Variants in MICAL3 observed in about 807,000 individuals in gnomAD.
The protein encoded by MICAL3 is [F-actin]-monooxygenase MICAL3.
A neutral mutation model predicts 207.4 loss-of-function variants in MICAL3; 62 were observed. That is an observed-to-expected ratio of 0.30 (90% CI 0.24 to 0.37). MICAL3 has a LOEUF of 0.37. MICAL3 is among the 10% of genes least tolerant of loss of function. The pLI is 1.00. For synonymous variants in MICAL3, 1,077 were observed against 1,069.3 expected, an observed-to-expected ratio of 1.01 and a Z score of -0.14; for missense variants, 2,368 against 2,635.6, an observed-to-expected ratio of 0.90 and a Z score of 2.22.
At chr22:17,816,830 C>T (rs986354573) in intron 26 of MICAL3, 46 bp from the exon 27 acceptor site, 18 of 1,381,690 alleles carry the variant, frequency 1.3e-5, no homozygotes, top group South Asian at 8.7e-5. Context: ...AGACAGCAGG[C>T]GCAGCCCTCT....
Position 17,879,314 on chromosome 22 carries a change from G to A in MICAL3, c.2241+6564C>T, listed in dbSNP as rs1929197296. 2.5e-6 allele frequency: 4 copies of A among 1,587,726 alleles called. No homozygotes were observed. In the Admixed American group the frequency reaches 7.1e-5, roughly 28 times the overall value. ...GCGTGCCCCGTGTGCTTGGCTCTCA[G>A]CATCCCATGCCACGGGTTCATGCTC... is the stretch of plus-strand genomic sequence containing the variant. On this transcript the variant is annotated intron_variant, in intron 16 of 31. Transcript: ENST00000441493.
chr22:17,919,674 G>A (rs914996353), intron 1 of MICAL3, among the ~76,000 whole-genome samples: 1 of 152,138 alleles, frequency 6.6e-6, no homozygotes, highest in African/African-American at 2.4e-5. Context: ...TCTGCCCAGC[G>A]GGGGAGGTGC....
intron 1 of MICAL3, among the ~76,000 whole-genome samples, chr22:17,922,468 TA>T (rs1932823417): frequency 6.6e-6 from 1 of 152,132 alleles, no homozygotes; most frequent in Non-Finnish European, 1.5e-5. Context: ...TAAGGCATAT[TA>T]GGAGTCTGAA....
Position 17,789,112 on chromosome 22 carries a change from A to G in MICAL3, c.*1620T>C, listed in dbSNP as rs2061806707. The G allele has an allele frequency of 6.6e-6, 1 of 152,278 alleles. No individual in the cohort carries two copies. Among genetic ancestry groups the G allele is most frequent in the African/African-American group, 2.4e-5 (1 of 41,470 alleles). The allele number at this position is 152,278 out of a possible 1,614,324, so 9.4% of individuals were successfully genotyped here. A position where few individuals can be genotyped will look rare whatever the true frequency, so the allele number is the denominator to read the frequency against. ...GAGAAAGGAACAGTTTGGCTATAGG[A>G]GCTAGTGATTCGGGGCTCGCCCTTT... On this transcript the variant is annotated 3_prime_UTR_variant, in exon 32 of 32. Transcript: ENST00000441493.
At chr22:17,971,260 G>C (rs571215764) in intron 1 of MICAL3, among the ~76,000 whole-genome samples, 42 of 152,230 alleles carry the variant, frequency 2.8e-4, no homozygotes, top group African/African-American at 9.9e-4. Context: ...TTGAGGTCAG[G>C]AGTTTGAGAC....
intron 16 of MICAL3, among the ~76,000 whole-genome samples, chr22:17,883,251 G>C (rs1929592979): frequency 6.6e-6 from 1 of 152,180 alleles, no homozygotes; most frequent in Admixed American, 6.5e-5. Flanking sequence ...GAGAAAGAAT[G>C]AATTCGCCTT....
chr22:17,979,151 G>C lies in MICAL3; in HGVS notation c.-75+45130C>G, dbSNP rs371202985. ...ATCATGCCGCTGCATTCCAGCCTGG[G>C]CACAGGAATGAGACCCTGTCTAAAA... is the stretch of plus-strand genomic sequence containing the variant. On this transcript the variant is annotated intron_variant, in intron 1 of 31. Coordinates refer to ENST00000441493, the MANE Select transcript of MICAL3 (RefSeq NM_015241.3). 4.6e-5 allele frequency among the ~76,000 whole-genome samples: 7 copies of C among 151,878 alleles called. No homozygotes were observed. In the East Asian group the frequency reaches 1.2e-3, roughly 26 times the overall value.
Position 17,985,354 on chromosome 22 carries a change from T to G in MICAL3, c.-75+38927A>C, listed in dbSNP as rs549119335. On this transcript the variant is annotated intron_variant, in intron 1 of 31. Transcript: ENST00000441493. ...GACTTCCAACATGAACCGTGAACTC[T>G]GAGAACAGAGCCCGTAACCTCTACT... is the stretch of plus-strand genomic sequence containing the variant. 1.2e-4 allele frequency among the ~76,000 whole-genome samples: 18 copies of G among 152,208 alleles called. No individual in the cohort carries two copies. In the East Asian group the frequency reaches 3.5e-3, roughly 30 times the overall value.
intron 22 of MICAL3, among the ~76,000 whole-genome samples, chr22:17,824,523 G>A (rs1182073850): frequency 6.6e-6 from 1 of 152,214 alleles, no homozygotes; most frequent in African/African-American, 2.4e-5. Flanking sequence ...AATTCCTTAA[G>A]CTTATTTTTA....
chr22:17,988,057 C>T (rs141916211), intron 1 of MICAL3, among the ~76,000 whole-genome samples: 47 of 152,256 alleles, frequency 3.1e-4, no homozygotes, highest in Admixed American at 8.5e-4. Context: ...GCAGAGAAAC[C>T]GGCACAGCAC....
At chr22:17,985,732 C>G (rs1306180116) in intron 1 of MICAL3, among the ~76,000 whole-genome samples, 1 of 152,142 alleles carries the variant, frequency 6.6e-6, no homozygotes, top group Non-Finnish European at 1.5e-5. Flanking sequence ...TGTGCAGCAG[C>G]AGAATCGAGG....
chr22:17,842,060 A>G, intron 19 of MICAL3, 43 bp from the exon 20 acceptor site: 1 of 1,557,514 alleles, frequency 6.4e-7, no homozygotes, highest in African/African-American at 1.3e-5. Context: ...GTCCAACCAC[A>G]GACGGGGCGT....
At chr22:17,962,232 G>A (rs773474569) in intron 1 of MICAL3, among the ~76,000 whole-genome samples, 2 of 150,578 alleles carry the variant, frequency 1.3e-5, no homozygotes, top group African/African-American at 2.4e-5. Flanking sequence ...ACTAACGTAA[G>A]TGCGAAAGCG....
intron 19 of MICAL3, chr22:17,861,631 G>T: frequency 1.0e-6 from 1 of 985,394 alleles, no homozygotes; most frequent in Non-Finnish European, 1.2e-6. Flanking sequence ...TCTGCCTATT[G>T]TTCAAGCTTT....
At chr22:17,815,990 C>G (rs1008743090) in intron 27 of MICAL3, among the ~76,000 whole-genome samples, 1 of 152,228 alleles carries the variant, frequency 6.6e-6, no homozygotes, top group Non-Finnish European at 1.5e-5. Flanking sequence ...AGGAGACAGC[C>G]GGGTTGCCCC....
chr22:18,015,973 T>G (rs1390296591), intron 1 of MICAL3, among the ~76,000 whole-genome samples: 1 of 152,212 alleles, frequency 6.6e-6, no homozygotes, highest in Non-Finnish European at 1.5e-5. Flanking sequence ...AGGGTATTTT[T>G]TATGCATCTG....
At chr22:17,995,033 G>A (rs1388532899) in intron 1 of MICAL3, among the ~76,000 whole-genome samples, 3 of 152,052 alleles carry the variant, frequency 2.0e-5, no homozygotes, top group African/African-American at 7.2e-5. Context: ...GAGAGACACG[G>A]CCTAACAGAA....
intron 1 of MICAL3, among the ~76,000 whole-genome samples, chr22:17,909,280 T>C (rs1036157007): frequency 1.3e-5 from 2 of 152,172 alleles, no homozygotes; most frequent in Non-Finnish European, 2.9e-5. Flanking sequence ...TCCCAGCACT[T>C]TGGGAGGCCG....
chr22:17,799,983 C>T (rs974345633), intron 29 of MICAL3, among the ~76,000 whole-genome samples: 12 of 147,574 alleles, frequency 8.1e-5, no homozygotes, highest in Non-Finnish European at 3.0e-5. Context: ...CACACACACA[C>T]GCGTTGGGAA....
Sources: gnomAD v4.1 joint callset for allele counts (sites outside exome capture counted in the v4.1 genomes callset) on GRCh38, gnomAD v4.1.1 for gene constraint, MANE v1.5 for transcripts, NCBI Gene and HGNC (gene_info 2026-07-23, HGNC 2026-07-21) for gene names.